SLC16A1: variants seen among roughly 807,000 people sequenced by gnomAD.
SLC16A1 encodes the protein solute carrier family 16 member 1.
Under a neutral mutation model 32.2 loss-of-function variants are expected in SLC16A1, and 11 were observed. The ratio of observed to expected loss-of-function variants is 0.34; its 90% CI spans 0.21 to 0.56. The LOEUF (loss-of-function observed/expected upper bound fraction) is 0.56. Among genes scored for constraint, SLC16A1 ranks in the 20% least tolerant of loss-of-function variants. SLC16A1 has a pLI of 0.87. For synonymous variants in SLC16A1, 231 were observed against 226.8 expected (o/e 1.02, Z -0.17); for missense variants, 435 against 615.0 (o/e 0.71, Z 3.10).
chr1:112,916,253 A>T (rs553614636), intron 4 of SLC16A1, among the ~76,000 whole-genome samples: 1 of 150,464 alleles, frequency 6.6e-6, no homozygotes, highest in Non-Finnish European at 1.5e-5. Context: ...TAATCCCAGC[A>T]CTTTGGGAGG....
rs1051236692 is a variant in SLC16A1 at position 112,913,190 on chromosome 1, C to T, written c.*701G>A. ...AAATAGCTAATTTAATGAAAACAAACCTTAAGCACTTTACTTGGCTTCTAA... is the reference window on the plus strand; with the variant it reads ...AAATAGCTAATTTAATGAAAACAAATCTTAAGCACTTTACTTGGCTTCTAA... On this transcript the variant is annotated 3_prime_UTR_variant, in exon 5 of 5. Coordinates refer to ENST00000369626, the MANE Select transcript of SLC16A1 (RefSeq NM_003051.4). 1.3e-5 allele frequency: 2 copies of T among 152,308 alleles called. No homozygotes were observed. The highest frequency in any genetic ancestry group is 2.4e-5 in the African/African-American group (1 of 41,430). 9.4% of individuals were successfully genotyped at this position (152,308 alleles called of 1,614,324 possible). A position where few individuals can be genotyped will look rare whatever the true frequency, so the allele number is the denominator to read the frequency against.
intron 2 of SLC16A1, chr1:112,923,437 C>T: frequency 4.3e-6 from 3 of 693,144 alleles, no homozygotes; most frequent in Non-Finnish European, 8.0e-6. Context: ...CCCGGCCCTC[C>T]ACGGTGTTGG....
At chr1:112,940,656 T>C (rs1363068505) in intron 1 of SLC16A1, among the ~76,000 whole-genome samples, 2 of 152,154 alleles carry the variant, frequency 1.3e-5, no homozygotes, top group Non-Finnish European at 2.9e-5. Flanking sequence ...GAAAGGATGG[T>C]CAGAGATGGT....
intron 2 of SLC16A1, among the ~76,000 whole-genome samples, chr1:112,928,084 T>C (rs565797131): frequency 1.3e-5 from 2 of 152,312 alleles, no homozygotes; most frequent in South Asian, 4.1e-4. Context: ...GGTTCTTTAA[T>C]TTGATAGACA....
chr1:112,923,822 G>A, intron 2 of SLC16A1: 2 of 1,498,886 alleles, frequency 1.3e-6, no homozygotes, highest in South Asian at 1.1e-5. Flanking sequence ...ACCTCTGCAA[G>A]AGCAATGGCT....
chr1:112,916,507 A>AAT (rs1332062956), intron 4 of SLC16A1, among the ~76,000 whole-genome samples: 1 of 150,652 alleles, frequency 6.6e-6, no homozygotes, highest in African/African-American at 2.4e-5. Context: ...AAAAAAAAAA[A>AAT]AAAAAAAAAA....
chr1:112,917,964 C>T lies in SLC16A1; in HGVS notation c.442G>A (p.Gly148Arg). ...YFYKRRPLAN[G>R]LAMAGSPVFL... ...ACAGGGCTGCCTGCCATGGCCAGTC[C>T]GTTGGCCAATGGTCGCCTCTTGTAG... The change falls in exon 4 of 5, where the codon GGA (glycine) becomes AGA (arginine). Residue 148 changes from glycine to arginine, a missense_variant. This residue lies in a region of SLC16A1 where 324 missense variants were observed against 500.3 expected (regional missense o/e 0.65). Transcript: ENST00000369626. The surrounding 1 kb of genome is among the most constrained non-coding windows in gnomAD (Gnocchi z 4.1). 1.9e-6 allele frequency: 3 copies of T among 1,587,348 alleles called. No homozygotes were observed. The highest frequency in any genetic ancestry group is 2.6e-6 in the Non-Finnish European group (3 of 1,173,200).
chr1:112,934,910 T>C (rs573652700), intron 1 of SLC16A1, among the ~76,000 whole-genome samples: 1 of 152,282 alleles, frequency 6.6e-6, no homozygotes, highest in Non-Finnish European at 1.5e-5. Context: ...CAAGAACCAA[T>C]TAACCGTGAG....
intron 3 of SLC16A1, among the ~76,000 whole-genome samples, chr1:112,921,784 C>T (rs1284600113): frequency 6.6e-6 from 1 of 152,110 alleles, no homozygotes; most frequent in African/African-American, 2.4e-5. Flanking sequence ...TTCACTCATT[C>T]GACAAACAAT....
intron 1 of SLC16A1, among the ~76,000 whole-genome samples, chr1:112,941,987 T>G (rs898817626): frequency 4.6e-5 from 7 of 152,092 alleles, no homozygotes; most frequent in Admixed American, 1.3e-4. Flanking sequence ...CTTTTTTTTT[T>G]GAGATGGAGT....
intron 1 of SLC16A1, among the ~76,000 whole-genome samples, chr1:112,940,753 CT>C (rs1649480010): frequency 6.6e-6 from 1 of 151,868 alleles, no homozygotes. Context: ...TATGCACATA[CT>C]TCTTATTAAA....
chr1:112,940,830 C>A (rs1186766382), intron 1 of SLC16A1, among the ~76,000 whole-genome samples: 1 of 152,092 alleles, frequency 6.6e-6, no homozygotes, highest in African/African-American at 2.4e-5. Context: ...TGCAAAAATT[C>A]TATTATAGAA....
Position 112,937,113 on chromosome 1 carries a change from AC to A in SLC16A1, c.-44-7762del, listed in dbSNP as rs1419372730. 4.6e-5 allele frequency among the ~76,000 whole-genome samples: 7 copies of A among 152,350 alleles called. No homozygotes were observed. The East Asian group carries it at 1.3e-3, about 29-fold the overall frequency. ...GAGAACACTTAAAAAATTTCAAAGA[AC>A]CACTAAAAAGATTAATTCATCTCAG... On this transcript the variant is annotated intron_variant, in intron 1 of 4. Transcript: ENST00000369626.
At chr1:112,934,396 T>G (rs773729210) in intron 1 of SLC16A1, among the ~76,000 whole-genome samples, 2 of 152,038 alleles carry the variant, frequency 1.3e-5, no homozygotes, top group Non-Finnish European at 2.9e-5. Flanking sequence ...CTACCAGGGG[T>G]TGGGGAGAGG....
At chr1:112,925,238 C>G (rs1648899136) in intron 2 of SLC16A1, among the ~76,000 whole-genome samples, 1 of 152,182 alleles carries the variant, frequency 6.6e-6, no homozygotes, top group Non-Finnish European at 1.5e-5. Context: ...AGCGCAATCA[C>G]AGCTCACTGC....
At chr1:112,935,625 GAC>G (rs1400517835) in intron 1 of SLC16A1, among the ~76,000 whole-genome samples, 2 of 152,114 alleles carry the variant, frequency 1.3e-5, no homozygotes, top group Non-Finnish European at 2.9e-5. Flanking sequence ...ATGGAGAAGA[GAC>G]AACTGTCTGG....
rs751091821 is a variant in SLC16A1 at position 112,912,413 on chromosome 1, A to G, written c.*1478T>C. ...GCCTCTTACACAAGGTTTTGTATCT[A>G]TACTTTTACTCTGTCAATTACAGTG... On this transcript the variant is annotated 3_prime_UTR_variant, in exon 5 of 5. Transcript: ENST00000369626. 1 of 152,240 alleles carries G rather than the reference A, an allele frequency of 6.6e-6. No homozygotes were observed. 9.4% of individuals were successfully genotyped at this position (152,240 alleles called of 1,614,324 possible). A position where few individuals can be genotyped will look rare whatever the true frequency, so the allele number is the denominator to read the frequency against.
chr1:112,923,744 C>G, intron 2 of SLC16A1: 1 of 1,528,076 alleles, frequency 6.5e-7, no homozygotes, highest in Non-Finnish European at 9.1e-7. Context: ...ACCAGCTGCA[C>G]CAGGAGGGCA....
At chr1:112,951,589 T>C (rs553445689) in intron 1 of SLC16A1, among the ~76,000 whole-genome samples, 1 of 152,314 alleles carries the variant, frequency 6.6e-6, no homozygotes, top group East Asian at 1.9e-4. Flanking sequence ...CTACTAGGTA[T>C]TCTCTAAAAG....
Sources: allele counts gnomAD v4.1 joint callset (sites outside exome capture counted in the v4.1 genomes callset), GRCh38; gene constraint gnomAD v4.1.1; regional missense constraint gnomAD v4.1.1; non-coding constraint Gnocchi (gnomAD v3.1); transcripts MANE v1.5; gene names NCBI Gene and HGNC (gene_info 2026-07-23, HGNC 2026-07-21).